The following ASIC2 variants were observed in gnomAD, a reference collection of about 807,000 sequenced individuals.
ASIC2 encodes acid sensing ion channel subunit 2.
Under a neutral mutation model 57.3 loss-of-function variants are expected in ASIC2, and 25 were observed. The ratio of observed to expected loss-of-function variants is 0.44; its 90% CI spans 0.32 to 0.61. ASIC2 has a LOEUF of 0.61. Among genes scored for constraint, ASIC2 ranks in the 20% least tolerant of loss-of-function variants. The probability of loss-of-function intolerance (pLI) is 0.06; values close to 1 mark genes in which losing one functional copy is unlikely to be tolerated. For synonymous variants in ASIC2, 319 were observed against 307.5 expected (o/e 1.04, Z -0.39); for missense variants, 641 against 738.1 (o/e 0.87, Z 1.52).
chr17:33,595,249 G>A (rs1200894230), intron 1 of ASIC2, among the ~76,000 whole-genome samples: 3 of 152,166 alleles, frequency 2.0e-5, no homozygotes, highest in Admixed American at 2.0e-4. Context: ...ATTAAAAAAG[G>A]TAGAATTGAA....
chr17:33,471,547 T>G (rs1181760548), intron 1 of ASIC2, among the ~76,000 whole-genome samples: 1 of 152,186 alleles, frequency 6.6e-6, no homozygotes, highest in East Asian at 1.9e-4. Flanking sequence ...ATACTGTAAA[T>G]AGCTATACCA....
intron 1 of ASIC2, 189 bp downstream of exon 1, chr17:33,291,219 G>A: frequency 3.8e-6 from 5 of 1,302,320 alleles, no homozygotes; most frequent in Non-Finnish European, 5.0e-6. Flanking sequence ...TCCTCCTACA[G>A]TTAAGTCCAA....
intron 1 of ASIC2, among the ~76,000 whole-genome samples, chr17:33,745,605 A>G (rs1451781744): frequency 1.3e-5 from 2 of 152,142 alleles, no homozygotes; most frequent in East Asian, 3.8e-4. Context: ...AATTCTTACC[A>G]GAAACAATGT....
chr17:33,674,135 C>T (rs1055838272), intron 1 of ASIC2, among the ~76,000 whole-genome samples: 21 of 152,076 alleles, frequency 1.4e-4, no homozygotes, highest in African/African-American at 2.9e-4. Context: ...CTTCGTGATC[C>T]GCCCACCTCG....
chr17:33,413,082 G>A (rs1217410084), intron 1 of ASIC2, among the ~76,000 whole-genome samples: 1 of 152,202 alleles, frequency 6.6e-6, no homozygotes, highest in Non-Finnish European at 1.5e-5. Context: ...GTTCTCCAGA[G>A]ATGGGGGCAT....
At chr17:33,270,787 C>T (rs560262713) in intron 1 of ASIC2, among the ~76,000 whole-genome samples, 22 of 152,332 alleles carry the variant, frequency 1.4e-4, no homozygotes, top group Non-Finnish European at 2.2e-4. Context: ...GTCTTACTGA[C>T]GATGACTCTA....
chr17:33,441,811 C>G (rs1911832454), intron 1 of ASIC2, among the ~76,000 whole-genome samples: 2 of 152,212 alleles, frequency 1.3e-5, no homozygotes, highest in Non-Finnish European at 2.9e-5. Context: ...CAACTGTCTA[C>G]TTTTCATCAA....
intron 1 of ASIC2, among the ~76,000 whole-genome samples, chr17:33,279,734 A>T (rs561635742): frequency 6.6e-6 from 1 of 152,232 alleles, no homozygotes; most frequent in African/African-American, 2.4e-5. Context: ...TAATTTTTTT[A>T]AAATTAGACA....
chr17:33,662,628 TAAATA>T (rs1315402786), intron 1 of ASIC2, among the ~76,000 whole-genome samples: 1 of 65,276 alleles, frequency 1.5e-5, no homozygotes, highest in African/African-American at 7.5e-5. Flanking sequence ...GTCTCAAAAA[TAAATA>T]AATAAATAAA....
chr17:33,263,452 A>C (rs1909354448), intron 1 of ASIC2, among the ~76,000 whole-genome samples: 1 of 152,230 alleles, frequency 6.6e-6, no homozygotes, highest in African/African-American at 2.4e-5. Flanking sequence ...AATTGACAAA[A>C]GCAGAGATGC....
chr17:33,274,932 CA>C (rs1200769948), intron 1 of ASIC2, among the ~76,000 whole-genome samples: 2 of 152,246 alleles, frequency 1.3e-5, no homozygotes, highest in East Asian at 3.9e-4. Flanking sequence ...TCAAAGTGAC[CA>C]GATGATCCTG....
At chr17:33,252,750 C>T (rs888596858) in intron 1 of ASIC2, among the ~76,000 whole-genome samples, 28 of 152,098 alleles carry the variant, frequency 1.8e-4, no homozygotes, top group Admixed American at 9.2e-4. Context: ...TCTCTTACGC[C>T]TTTGCCCAGC....
intron 1 of ASIC2, among the ~76,000 whole-genome samples, chr17:34,128,708 G>A (rs905675435): frequency 1.3e-5 from 2 of 152,150 alleles, no homozygotes; most frequent in African/African-American, 4.8e-5. Flanking sequence ...ATTTCTTGAT[G>A]CCGTGTTACT....
intron 1 of ASIC2, among the ~76,000 whole-genome samples, chr17:33,522,787 A>G (rs754705969): frequency 2.6e-5 from 4 of 152,246 alleles, no homozygotes; most frequent in Non-Finnish European, 4.4e-5. Flanking sequence ...CCACAAGAAC[A>G]GACACACGAG....
intron 1 of ASIC2, among the ~76,000 whole-genome samples, chr17:33,661,770 C>A (rs1224628425): frequency 6.6e-6 from 1 of 152,218 alleles, no homozygotes; most frequent in Non-Finnish European, 1.5e-5. Flanking sequence ...TGGAGATATT[C>A]TGAATGAAAG....
At chr17:33,742,769 T>G (rs1306576294) in intron 1 of ASIC2, among the ~76,000 whole-genome samples, 2 of 152,196 alleles carry the variant, frequency 1.3e-5, no homozygotes, top group East Asian at 3.9e-4. Context: ...AAACTGCTTT[T>G]GACCAGATGG....
chr17:33,339,917 G>A (rs1597689860), intron 1 of ASIC2, among the ~76,000 whole-genome samples: 1 of 152,110 alleles, frequency 6.6e-6, no homozygotes, highest in East Asian at 1.9e-4. Context: ...CCCAACTGCT[G>A]CCTCTGACCC....
intron 1 of ASIC2, among the ~76,000 whole-genome samples, chr17:33,757,668 C>G (rs1212187367): frequency 6.6e-6 from 1 of 152,208 alleles, no homozygotes; most frequent in African/African-American, 2.4e-5. Flanking sequence ...CAGGAGTATA[C>G]ACAAGTAAAT....
At chr17:33,671,918 T>G (rs1294364596) in intron 1 of ASIC2, among the ~76,000 whole-genome samples, 1 of 152,224 alleles carries the variant, frequency 6.6e-6, no homozygotes, top group Non-Finnish European at 1.5e-5. Flanking sequence ...AGCCACTTTC[T>G]GTGATCATTA....
Sources: gnomAD v4.1 joint callset for allele counts (sites outside exome capture counted in the v4.1 genomes callset) on GRCh38, gnomAD v4.1.1 for gene constraint, MANE v1.5 for transcripts, NCBI Gene and HGNC (gene_info 2026-07-23, HGNC 2026-07-21) for gene names.